ZNF536: variants seen among roughly 807,000 people sequenced by gnomAD.
The protein encoded by ZNF536 is zinc finger protein 536.
In ZNF536, 13 loss-of-function variants were observed where a neutral mutation model predicts 84.5. The observed-to-expected ratio is 0.15, with a 90% CI of 0.10 to 0.24. The LOEUF (loss-of-function observed/expected upper bound fraction) is 0.24. Among genes scored for constraint, ZNF536 ranks in the 10% least tolerant of loss-of-function variants. The probability of loss-of-function intolerance (pLI) is 1.00; values close to 1 mark genes in which losing one functional copy is unlikely to be tolerated. For missense variants in ZNF536, 1,536 were observed against 1,747.5 expected (o/e 0.88, Z 2.16); for synonymous variants, 811 against 742.5 (o/e 1.09, Z -1.50).
chr19:30,313,727 G>A (rs990531938), intron 2 of ZNF536, among the ~76,000 whole-genome samples: 3 of 152,202 alleles, frequency 2.0e-5, no homozygotes, highest in African/African-American at 7.2e-5. Flanking sequence ...CCCAGGCCAA[G>A]AGTGGCCTCT....
chr19:30,538,590 T>G (rs2045189874), intron 3 of ZNF536, among the ~76,000 whole-genome samples: 1 of 152,152 alleles, frequency 6.6e-6, no homozygotes, highest in African/African-American at 2.4e-5. Context: ...ATGTTTCTGA[T>G]GCACCCTAAG....
At chr19:30,427,229 C>G (rs1370902515) in intron 1 of ZNF536, among the ~76,000 whole-genome samples, 2 of 152,218 alleles carry the variant, frequency 1.3e-5, no homozygotes. Flanking sequence ...TTGTCCCTTT[C>G]CTCAAGGAAC....
intron 2 of ZNF536, among the ~76,000 whole-genome samples, chr19:30,290,010 C>T (rs891443199): frequency 3.3e-5 from 5 of 152,174 alleles, no homozygotes; most frequent in African/African-American, 1.2e-4. Flanking sequence ...ACTCTATACC[C>T]ATTAAATAAC....
chr19:30,241,021 TAAAC>T lies in ZNF536; in HGVS notation c.-190+12352_-190+12355del, dbSNP rs570292529. 3.1e-3 allele frequency among the ~76,000 whole-genome samples: 472 copies of T among 152,158 alleles called. 1 individual carries two copies. Among genetic ancestry groups the T allele is most frequent in the Middle Eastern group, 0.01 (3 of 294 alleles). On this transcript the variant is annotated intron_variant, in intron 1 of 5. Coordinates refer to the ZNF536 transcript ENST00000585628. Reference sequence around the variant, plus strand: ...CATTCTGGTGGGAGGGAACTGGAAATAAACAAATAATTCAGGCCTGGGGCAGTGG... The same window carrying T: ...CATTCTGGTGGGAGGGAACTGGAAATAAATAATTCAGGCCTGGGGCAGTGG...
At chr19:30,481,341 A>G (rs368700933) in intron 2 of ZNF536, among the ~76,000 whole-genome samples, 3 of 152,178 alleles carry the variant, frequency 2.0e-5, no homozygotes, top group Admixed American at 6.5e-5. Context: ...GGGGAGTCAC[A>G]CTGGTTTTTC....
intron 1 of ZNF536, among the ~76,000 whole-genome samples, chr19:30,404,728 C>T (rs572017812): frequency 1.1e-4 from 17 of 152,030 alleles, no homozygotes; most frequent in South Asian, 4.1e-4. Flanking sequence ...ACCAAATGTC[C>T]GGAGGCGGGG....
chr19:30,450,020 G>GAAGAAA lies in ZNF536; in HGVS notation c.2170+4309_2170+4314dup, dbSNP rs36206792. Among the ~76,000 whole-genome samples, 13 of 144,116 alleles carry GAAGAAA rather than the reference G, an allele frequency of 9.0e-5. No individual in the cohort carries two copies. The South Asian group carries it at 1.3e-3, about 15-fold the overall frequency. 94.5% of individuals were successfully genotyped at this position (144,116 alleles called of 152,430 possible). ...CACAAACAAATCCAGGCACCCAAAA[G>GAAGAAA]AAGAAAAAGAAAAAGAAAAAGAAAA... On this transcript the variant is annotated intron_variant, in intron 2 of 4. Transcript: ENST00000355537.
chr19:30,414,213 A>G (rs1480653391), intron 1 of ZNF536, among the ~76,000 whole-genome samples: 2 of 150,458 alleles, frequency 1.3e-5, no homozygotes, highest in African/African-American at 4.9e-5. Flanking sequence ...TGCTTTGTAT[A>G]TATCTTTTCC....
chr19:30,347,175 G>T (rs1311130089), intron 2 of ZNF536, among the ~76,000 whole-genome samples: 2 of 148,020 alleles, frequency 1.4e-5, no homozygotes, highest in African/African-American at 5.0e-5. Flanking sequence ...CCAAATTCTT[G>T]ATTCTGCAGA....
intron 1 of ZNF536, among the ~76,000 whole-genome samples, chr19:30,565,074 G>A (rs1214527524): frequency 5.3e-5 from 8 of 152,194 alleles, no homozygotes; most frequent in East Asian, 3.9e-4. Flanking sequence ...AGAGGTCACC[G>A]TTGACATCTC....
At chr19:30,334,365 A>G (rs1444952995) in intron 2 of ZNF536, among the ~76,000 whole-genome samples, 2 of 152,230 alleles carry the variant, frequency 1.3e-5, no homozygotes, top group African/African-American at 4.8e-5. Context: ...CCTGAAACTC[A>G]TCTTTCTCCT....
At position 30,324,856 on chromosome 19, in the gene ZNF536, C is replaced by T. The variant is rs1420392671; in HGVS notation, c.-119-27512C>T. ...ATGTCTCCTTAAAAGCCCCTCTCTTCTTCCAGTCCTTCCTGAAGACTGCTG... is the reference window on the plus strand; with the variant it reads ...ATGTCTCCTTAAAAGCCCCTCTCTTTTTCCAGTCCTTCCTGAAGACTGCTG... On this transcript the variant is annotated intron_variant, in intron 2 of 5. Transcript: ENST00000585628. 2.0e-5 allele frequency among the ~76,000 whole-genome samples: 3 copies of T among 152,346 alleles called. No individual in the cohort carries two copies. The East Asian group carries it at 5.8e-4, about 29-fold the overall frequency.
chr19:30,605,614 T>A (rs2047842311), intron 1 of ZNF536, among the ~76,000 whole-genome samples: 1 of 152,220 alleles, frequency 6.6e-6, no homozygotes, highest in South Asian at 2.1e-4. Context: ...TGGTTCCATA[T>A]CTTTGCAACT....
At chr19:30,673,705 C>G (rs1039663373) in intron 1 of ZNF536, among the ~76,000 whole-genome samples, 4 of 152,214 alleles carry the variant, frequency 2.6e-5, no homozygotes, top group Non-Finnish European at 5.9e-5. Context: ...CACATCCCAA[C>G]CTAACTCTCA....
At chr19:30,690,208 G>A (rs1029173754) in intron 1 of ZNF536, among the ~76,000 whole-genome samples, 19 of 152,164 alleles carry the variant, frequency 1.2e-4, no homozygotes, top group Non-Finnish European at 2.4e-4. Flanking sequence ...AACAAATGCC[G>A]GTAATATTGG....
chr19:30,638,381 A>G (rs1355016501), intron 1 of ZNF536, among the ~76,000 whole-genome samples: 1 of 152,156 alleles, frequency 6.6e-6, no homozygotes, highest in Non-Finnish European at 1.5e-5. Flanking sequence ...AGGAAGCATG[A>G]TGTTGCATCT....
At position 30,614,069 on chromosome 19, in the gene ZNF536, G is replaced by C. The variant is rs554913802; in HGVS notation, c.169+64555G>C. Reference sequence around the variant, plus strand: ...GTAGAGACGGGGTTTTGCCATATTGGCCAGGCTAGTCTCGAACTCCTGACC... The same window carrying C: ...GTAGAGACGGGGTTTTGCCATATTGCCCAGGCTAGTCTCGAACTCCTGACC... On this transcript the variant is annotated intron_variant, in intron 1 of 1. Transcript: ENST00000592773. 5.3e-5 allele frequency among the ~76,000 whole-genome samples: 8 copies of C among 152,270 alleles called. No individual in the cohort carries two copies. In the South Asian group the frequency reaches 1.5e-3, roughly 28 times the overall value.
chr19:30,684,118 TAC>T (rs892774900), intron 1 of ZNF536, among the ~76,000 whole-genome samples: 4 of 151,518 alleles, frequency 2.6e-5, no homozygotes, highest in Non-Finnish European at 5.9e-5. Context: ...GACTCACATG[TAC>T]ACACACACAC....
At chr19:30,523,494 A>G (rs1490021008) in intron 2 of ZNF536, among the ~76,000 whole-genome samples, 1 of 152,152 alleles carries the variant, frequency 6.6e-6, no homozygotes, top group Non-Finnish European at 1.5e-5. Context: ...TTTGGACTGC[A>G]AACCTCTCCG....
Sources: allele counts gnomAD v4.1 joint callset (sites outside exome capture counted in the v4.1 genomes callset), GRCh38; gene constraint gnomAD v4.1.1; transcripts MANE v1.5; gene names NCBI Gene and HGNC (gene_info 2026-07-23, HGNC 2026-07-21).